DNM3: variants seen among roughly 807,000 people sequenced by gnomAD.
The protein encoded by DNM3 is dynamin 3.
Under a neutral mutation model 101.6 loss-of-function variants are expected in DNM3, and 47 were observed. The observed-to-expected ratio is 0.46, with a 90% confidence interval of 0.37 to 0.59. The LOEUF (loss-of-function observed/expected upper bound fraction) is 0.59, where lower values mean the gene tolerates loss of function less well. Among genes scored for constraint, DNM3 ranks in the 20% least tolerant of loss-of-function variants. The pLI is 0.00. For synonymous variants in DNM3, 385 were observed against 387.9 expected (o/e 0.99, Z 0.09); for missense variants, 849 against 1,085.7 (o/e 0.78, Z 3.06).
chr1:172,382,891 G>C (rs1197103713), intron 18 of DNM3, among the ~76,000 whole-genome samples: 1 of 152,062 alleles, frequency 6.6e-6, no homozygotes, highest in Non-Finnish European at 1.5e-5. Context: ...TGCGCCCCTG[G>C]ACCCCTCTGG....
rs574979153 is a variant in DNM3 at position 172,327,992 on chromosome 1, AT to A, written c.1893+4654del. Among the ~76,000 whole-genome samples, 2 of 152,162 alleles carry A rather than the reference AT, an allele frequency of 1.3e-5. 1 individual carries two copies. Among genetic ancestry groups the A allele is most frequent in the South Asian group, 4.1e-4 (2 of 4,826 alleles). ...AACTGTTGGGAGAAGGAACAGTTTA[AT>A]TGAGGGTAGAAAACTTCTAGAAGCA... On this transcript the variant is annotated intron_variant, in intron 17 of 20. Transcript: ENST00000627582.
At chr1:172,138,948 A>G (rs1305549709) in intron 14 of DNM3, 1 of 471,994 alleles carries the variant, frequency 2.1e-6, no homozygotes, top group African/African-American at 2.0e-5. Context: ...GACAGATACA[A>G]TCAGCCTGTT....
Position 172,032,432 on chromosome 1 carries a change from T to G in DNM3, c.620T>G (p.Leu207Arg). Residue 207 changes from leucine to arginine, a missense_variant, in exon 5 of 21, where the codon CTG becomes CGG. By Grantham distance (102) the Leu-to-Arg change is moderately radical. Transcript: ENST00000627582. The part of the protein sequence containing the change: ...GLRTIGVITK[L>R]DLMDEGTDAR... ...AGAACCATTGGAGTTATCACCAAAC[T>G]GGACCTTATGGATGAAGGAACGGAT... 6.2e-7 allele frequency: 1 copy of G among 1,612,302 alleles called. No individual in the cohort carries two copies. The highest frequency in any genetic ancestry group is 8.5e-7 in the Non-Finnish European group (1 of 1,179,068).
At chr1:172,357,998 T>C (rs751921663) in intron 17 of DNM3, among the ~76,000 whole-genome samples, 19 of 152,048 alleles carry the variant, frequency 1.2e-4, no homozygotes, top group Non-Finnish European at 2.4e-4. Context: ...CCTACTGTGC[T>C]GAATCAGTGT....
At chr1:172,304,206 C>CAAAAAAAAAAAAAAAAAAAAAAAAAA (rs575733774) in intron 15 of DNM3, among the ~76,000 whole-genome samples, 13 of 36,374 alleles carry the variant, frequency 3.6e-4, no homozygotes, top group South Asian at 1.0e-3. Flanking sequence ...AAAAGGAAAG[C>CAAAAAAAAAAAAAAAAAAAAAAAAAA]AAAAAAAAAA....
chr1:171,851,681 TG>T (rs1365786583), intron 1 of DNM3, among the ~76,000 whole-genome samples: 3 of 152,248 alleles, frequency 2.0e-5, no homozygotes, highest in Admixed American at 1.3e-4. Flanking sequence ...CCCAAAATGC[TG>T]GGATTATAGG....
intron 14 of DNM3, chr1:172,136,668 G>A (rs1484014361): frequency 2.0e-5 from 3 of 151,776 alleles, no homozygotes; most frequent in Admixed American, 2.0e-4. Flanking sequence ...ATTATCTAAA[G>A]ATTTATAATT....
At chr1:171,976,066 A>G (rs1243509343) in intron 2 of DNM3, among the ~76,000 whole-genome samples, 1 of 142,476 alleles carries the variant, frequency 7.0e-6, no homozygotes, top group African/African-American at 2.6e-5. Context: ...GATTCAAAAA[A>G]TGGATCTACA....
At chr1:172,055,608 C>T (rs559080458) in intron 10 of DNM3, among the ~76,000 whole-genome samples, 48 of 152,174 alleles carry the variant, frequency 3.2e-4, no homozygotes, top group African/African-American at 4.3e-4. Flanking sequence ...TTAAGCTCAT[C>T]GCTCTATTTT....
chr1:172,284,458 T>C (rs886818073), intron 15 of DNM3, among the ~76,000 whole-genome samples: 19 of 152,198 alleles, frequency 1.2e-4, no homozygotes, highest in Admixed American at 2.6e-4. Context: ...TCCTTTTTTT[T>C]CTCTCTGTAA....
chr1:171,906,566 A>G (rs2038853456), intron 1 of DNM3, among the ~76,000 whole-genome samples: 1 of 152,212 alleles, frequency 6.6e-6, no homozygotes, highest in Non-Finnish European at 1.5e-5. Flanking sequence ...CTTGAAGAGT[A>G]TGAAATAATC....
At chr1:172,022,334 A>G (rs2047902862) in intron 4 of DNM3, among the ~76,000 whole-genome samples, 2 of 152,172 alleles carry the variant, frequency 1.3e-5, no homozygotes, top group East Asian at 3.9e-4. Context: ...TGACTTTAAA[A>G]TCCTTTCTGA....
At chr1:172,237,817 A>G (rs1241299209) in intron 14 of DNM3, among the ~76,000 whole-genome samples, 2 of 152,194 alleles carry the variant, frequency 1.3e-5, no homozygotes, top group Non-Finnish European at 2.9e-5. Flanking sequence ...GATCAACAAC[A>G]TTAATGTGAG....
intron 17 of DNM3, among the ~76,000 whole-genome samples, chr1:172,363,446 C>T (rs969479657): frequency 6.6e-6 from 1 of 151,890 alleles, no homozygotes. Context: ...TATTATTTTA[C>T]TCTTAATAGA....
At chr1:172,087,165 C>G (rs10752861) in intron 12 of DNM3, among the ~76,000 whole-genome samples, 139,294 of 152,182 alleles carry the variant, frequency 0.92, 63,905 homozygotes, top group Non-Finnish European at 0.95. Context: ...ATCACTCCTT[C>G]TTGAAGAGAT....
chr1:172,319,694 A>G (rs1269995422), intron 16 of DNM3, among the ~76,000 whole-genome samples: 2 of 152,230 alleles, frequency 1.3e-5, no homozygotes, highest in Non-Finnish European at 2.9e-5. Flanking sequence ...ACCATCTCAC[A>G]CCAGTTAGAA....
intron 6 of DNM3, among the ~76,000 whole-genome samples, chr1:172,033,492 A>C (rs1193629415): frequency 1.3e-5 from 2 of 152,164 alleles, no homozygotes; most frequent in Non-Finnish European, 2.9e-5. Context: ...CAAAGCAGAA[A>C]CACATACCTA....
intron 14 of DNM3, among the ~76,000 whole-genome samples, chr1:172,145,457 T>G (rs572636417): frequency 1.3e-5 from 2 of 151,680 alleles, no homozygotes; most frequent in South Asian, 4.2e-4. Flanking sequence ...GTTGAATCTG[T>G]CAGCAGCTTG....
chr1:171,858,069 T>C (rs143914129), intron 1 of DNM3, among the ~76,000 whole-genome samples: 7 of 152,224 alleles, frequency 4.6e-5, no homozygotes, highest in Non-Finnish European at 8.8e-5. Flanking sequence ...TAAATAAATC[T>C]CTTTTATTTA....
Sources: allele counts gnomAD v4.1 joint callset (sites outside exome capture counted in the v4.1 genomes callset), GRCh38; gene constraint gnomAD v4.1.1; transcripts MANE v1.5; gene names NCBI Gene and HGNC (gene_info 2026-07-23, HGNC 2026-07-21).